Variants in PCDHA2 observed in about 807,000 individuals in gnomAD.
The protein encoded by PCDHA2 is protocadherin alpha 2, also known as protocadherin alpha-2.
Under a neutral mutation model 66.0 loss-of-function variants are expected in PCDHA2, and 58 were observed. The ratio of observed to expected loss-of-function variants is 0.88; its 90% CI spans 0.71 to 1.09. The LOEUF (loss-of-function observed/expected upper bound fraction) is 1.09, where lower values mean the gene tolerates loss of function less well. Among genes scored for constraint, PCDHA2 ranks in the 50% least tolerant of loss-of-function variants. The probability of loss-of-function intolerance (pLI) is 0.00; values close to 1 mark genes in which losing one functional copy is unlikely to be tolerated. For synonymous variants in PCDHA2, 634 were observed against 554.0 expected (o/e 1.14, Z -2.03); for missense variants, 1,267 against 1,242.3 (o/e 1.02, Z -0.30).
chr5:140,903,540 A>G (rs531687543), intron 1 of PCDHA2, among the ~76,000 whole-genome samples: 46 of 152,352 alleles, frequency 3.0e-4, no homozygotes, highest in African/African-American at 9.9e-4. Flanking sequence ...AACTAGAGCA[A>G]GAAACTTTTC....
chr5:140,863,279 T>C, intron 1 of PCDHA2: 1 of 1,461,288 alleles, frequency 6.8e-7, no homozygotes, highest in East Asian at 3.4e-5. Context: ...CTGGTGGATG[T>C]CAACGTGTAC....
At position 140,968,170 on chromosome 5, in the gene PCDHA2, C is replaced by T. The variant is rs1554230457; in HGVS notation, c.2389-10779C>T. 3 of 1,614,132 alleles carry T rather than the reference C, an allele frequency of 1.9e-6. No homozygotes were observed. In the South Asian group the frequency reaches 3.3e-5, roughly 18 times the overall value. On this transcript the variant is annotated intron_variant, in intron 1 of 3. Transcript: ENST00000526136. ...CTGACATCAATGACAATCCACCAAG[C>T]TTCCTGGAGGACTCCTATTCCATCT...
chr5:140,855,938 T>G, intron 1 of PCDHA2: 1 of 1,308,620 alleles, frequency 7.6e-7, no homozygotes, highest in South Asian at 1.5e-5. Context: ...CATTCTGAGA[T>G]CTCAGCCATT....
chr5:140,804,101 GTCTTTTA>G (rs1554123035), intron 1 of PCDHA2: 1 of 155,570 alleles, frequency 6.4e-6, no homozygotes, highest in Non-Finnish European at 1.4e-5. Flanking sequence ...TACACCTGTT[GTCTTTTA>G]TGGAACCTCT....
At chr5:140,949,963 A>G (rs1044562957) in intron 1 of PCDHA2, among the ~76,000 whole-genome samples, 1 of 151,750 alleles carries the variant, frequency 6.6e-6, no homozygotes, top group African/African-American at 2.4e-5. Context: ...TGCTGTAAGG[A>G]TTACAGCATA....
intron 1 of PCDHA2, chr5:140,805,413 G>C (rs191989993): frequency 1.9e-6 from 2 of 1,067,844 alleles, no homozygotes; most frequent in Non-Finnish European, 2.3e-6. Flanking sequence ...AAATTTGGTG[G>C]GTTTTTTGTT....
At chr5:140,875,905 T>A (rs1554168057) in intron 1 of PCDHA2, 1 of 1,614,222 alleles carries the variant, frequency 6.2e-7, no homozygotes, top group Admixed American at 1.7e-5. Flanking sequence ...TGTTTCTGAA[T>A]CTGCGCCTCT....
chr5:140,854,575 AT>A (rs1416298079), intron 1 of PCDHA2: 1 of 149,968 alleles, frequency 6.7e-6, no homozygotes, highest in Non-Finnish European at 1.5e-5. Context: ...TGTCATTCAG[AT>A]TTTAATAAAA....
At chr5:140,815,979 A>G (rs1554126949) in intron 1 of PCDHA2, 1 of 152,130 alleles carries the variant, frequency 6.6e-6, no homozygotes, top group African/African-American at 2.4e-5. Context: ...GTACGTGATG[A>G]GGCATTTTTC....
At chr5:140,876,565 G>T (rs371696514) in intron 1 of PCDHA2, 1 of 1,614,182 alleles carries the variant, frequency 6.2e-7, no homozygotes, top group Non-Finnish European at 8.5e-7. Context: ...GGATGCTCAG[G>T]TGGGTACCGT....
At position 140,851,668 on chromosome 5, in the gene PCDHA2, G is replaced by A. The variant is rs550292349; in HGVS notation, c.2388+54316G>A. 14 of 914,874 alleles carry A rather than the reference G, an allele frequency of 1.5e-5. 2 individuals carry two copies. Among genetic ancestry groups the A allele is most frequent in the Non-Finnish European group, 1.9e-5 (14 of 751,922 alleles). 56.7% of individuals were successfully genotyped at this position (914,874 alleles called of 1,614,324 possible). A position where few individuals can be genotyped will look rare whatever the true frequency, so the allele number is the denominator to read the frequency against. ...TCAAGAAGACATTCTCCTTTTAATT[G>A]AAATTTTCTCCATTCAGTGATAAAA... On this transcript the variant is annotated intron_variant, in intron 1 of 3. Coordinates refer to ENST00000526136, the MANE Select transcript of PCDHA2 (RefSeq NM_018905.3).
chr5:140,955,698 T>C (rs1295764352), intron 1 of PCDHA2, among the ~76,000 whole-genome samples: 2 of 152,218 alleles, frequency 1.3e-5, no homozygotes, highest in South Asian at 2.1e-4. Context: ...TGAATGTCAA[T>C]GGAAGTTTAA....
chr5:140,993,631 G>C (rs1466996708), intron 3 of PCDHA2, among the ~76,000 whole-genome samples: 1 of 152,046 alleles, frequency 6.6e-6, no homozygotes, highest in African/African-American at 2.4e-5. Context: ...ATATATAGTC[G>C]TGTACCAAAT....
intron 1 of PCDHA2, among the ~76,000 whole-genome samples, chr5:140,820,140 C>A (rs1766693487): frequency 1.3e-5 from 2 of 151,718 alleles, no homozygotes; most frequent in South Asian, 4.2e-4. Context: ...TAAAATATTT[C>A]AAAATTATCA....
intron 1 of PCDHA2, among the ~76,000 whole-genome samples, chr5:140,945,224 T>G (rs1563213002): frequency 6.6e-6 from 1 of 152,016 alleles, no homozygotes; most frequent in Admixed American, 6.6e-5. Flanking sequence ...ATAAAAATAC[T>G]TAGGAATAAA....
At chr5:140,884,112 C>T (rs2153400405) in intron 1 of PCDHA2, 1 of 1,613,306 alleles carries the variant, frequency 6.2e-7, no homozygotes. Flanking sequence ...CAGCTGGCGG[C>T]GGTCGGCGCG....
chr5:140,951,507 C>T (rs2094591964), intron 1 of PCDHA2, among the ~76,000 whole-genome samples: 1 of 151,952 alleles, frequency 6.6e-6, no homozygotes, highest in Admixed American at 6.6e-5. Context: ...AAAAGGAAAG[C>T]GGCTCATCTT....
intron 1 of PCDHA2, chr5:140,803,283 G>A (rs782799500): frequency 5.0e-6 from 8 of 1,613,924 alleles, no homozygotes; most frequent in Non-Finnish European, 6.8e-6. Flanking sequence ...ACTGGTGGAT[G>A]TCAACGTGTA....
chr5:140,890,732 TTA>T (rs2062774217), intron 1 of PCDHA2, among the ~76,000 whole-genome samples: 1 of 152,238 alleles, frequency 6.6e-6, no homozygotes, highest in Admixed American at 6.5e-5. Context: ...CCCTTTTGAC[TTA>T]TATACTATTT....
Sources: allele counts gnomAD v4.1 joint callset (sites outside exome capture counted in the v4.1 genomes callset), GRCh38; gene constraint gnomAD v4.1.1; transcripts MANE v1.5; gene names NCBI Gene and HGNC (gene_info 2026-07-23, HGNC 2026-07-21).